Variants in SYT14 observed in about 807,000 individuals in gnomAD.
SYT14 encodes the protein synaptotagmin-14.
SYT14 carries 32 observed loss-of-function variants against 74.2 expected under a neutral mutation model. That is an observed-to-expected ratio of 0.43 (90% CI 0.33 to 0.58). The LOEUF is 0.58. Ranked by LOEUF, SYT14 falls within the 20% of genes least tolerant of loss-of-function variation. The pLI is 0.05. For missense variants in SYT14, 791 were observed against 981.8 expected (o/e 0.81, Z 2.60); for synonymous variants, 298 against 337.7 (o/e 0.88, Z 1.29).
intron 2 of SYT14, among the ~76,000 whole-genome samples, chr1:209,964,012 A>T (rs950657385): frequency 3.3e-5 from 5 of 152,090 alleles, no homozygotes; most frequent in Non-Finnish European, 7.4e-5. Flanking sequence ...GTTGTTATAC[A>T]CGCTTGGGTC....
exon 4 of SYT14, chr1:210,016,728 T>C (rs2080191381): frequency 4.9e-6 from 6 of 1,231,844 alleles, no homozygotes; most frequent in Non-Finnish European, 6.1e-6. Context: ...CAAGAGAATA[T>C]GGGGCATTTC....
chr1:210,016,588 A>C (rs1022909497), exon 4 of SYT14: 35 of 1,231,886 alleles, frequency 2.8e-5, no homozygotes, highest in Non-Finnish European at 3.4e-5. Context: ...TAGGATATCA[A>C]GAAATGAAAG....
At chr1:210,071,255 T>C (rs1050125233) in intron 5 of SYT14, among the ~76,000 whole-genome samples, 49 of 151,158 alleles carry the variant, frequency 3.2e-4, no homozygotes, top group Non-Finnish European at 6.3e-4. Flanking sequence ...ATTAAAGAGC[T>C]TTCCTTTAGT....
At chr1:210,047,505 C>T (rs1007425075) in intron 5 of SYT14, among the ~76,000 whole-genome samples, 15 of 152,120 alleles carry the variant, frequency 9.9e-5, no homozygotes, top group Non-Finnish European at 2.1e-4. Flanking sequence ...TCAAATGATT[C>T]TCCTGCCTCA....
chr1:210,086,707 C>T (rs184271521), intron 5 of SYT14, among the ~76,000 whole-genome samples: 71 of 152,260 alleles, frequency 4.7e-4, no homozygotes, highest in Non-Finnish European at 8.7e-4. Flanking sequence ...CAAATCTCCT[C>T]AGTGAGCAAA....
At chr1:210,149,254 G>A (rs1035224073) in intron 7 of SYT14, among the ~76,000 whole-genome samples, 3 of 146,240 alleles carry the variant, frequency 2.1e-5, no homozygotes, top group African/African-American at 7.6e-5. Context: ...GCATGATGTC[G>A]GCTCACTGCA....
At chr1:210,010,436 A>G (rs2080066321) in intron 2 of SYT14, among the ~76,000 whole-genome samples, 1 of 152,144 alleles carries the variant, frequency 6.6e-6, no homozygotes, top group South Asian at 2.1e-4. Context: ...TGCTTATAGA[A>G]TGCCATGTAT....
At chr1:209,993,005 C>T (rs964528732) in intron 2 of SYT14, among the ~76,000 whole-genome samples, 18 of 152,264 alleles carry the variant, frequency 1.2e-4, no homozygotes, top group Admixed American at 1.2e-3. Context: ...CCACTGACCC[C>T]TAGGATCCTA....
At chr1:210,140,784 C>G (rs1052806564) in intron 7 of SYT14, among the ~76,000 whole-genome samples, 3 of 151,744 alleles carry the variant, frequency 2.0e-5, no homozygotes, top group Non-Finnish European at 2.9e-5. Flanking sequence ...GTGTTGGCAC[C>G]CTTGTTGAAA....
At chr1:209,989,310 TGA>T (rs1473854590) in intron 2 of SYT14, among the ~76,000 whole-genome samples, 1 of 152,176 alleles carries the variant, frequency 6.6e-6, no homozygotes, top group African/African-American at 2.4e-5. Flanking sequence ...ACACAGGAAC[TGA>T]GAGTCCTGGA....
At chr1:209,986,117 C>T (rs978693932) in intron 2 of SYT14, among the ~76,000 whole-genome samples, 20 of 152,304 alleles carry the variant, frequency 1.3e-4, no homozygotes, top group African/African-American at 4.8e-4. Flanking sequence ...GCTCCGCAGC[C>T]TGCTTAAATT....
intron 7 of SYT14, among the ~76,000 whole-genome samples, chr1:210,116,503 T>C (rs1001574970): frequency 6.6e-6 from 1 of 152,154 alleles, no homozygotes; most frequent in African/African-American, 2.4e-5. Flanking sequence ...TGCGCCACCA[T>C]GTCCGGCTAA....
intron 2 of SYT14, among the ~76,000 whole-genome samples, chr1:209,960,310 T>C (rs1253493809): frequency 6.6e-6 from 1 of 152,202 alleles, no homozygotes; most frequent in Non-Finnish European, 1.5e-5. Flanking sequence ...GAAAAAAGTC[T>C]CTGTAGTGGT....
intron 2 of SYT14, among the ~76,000 whole-genome samples, chr1:209,985,329 A>G (rs1316104991): frequency 6.6e-6 from 1 of 152,244 alleles, no homozygotes; most frequent in East Asian, 1.9e-4. Flanking sequence ...TGTTAGTTCA[A>G]AACGCATCAG....
chr1:210,006,125 G>A (rs554924401), intron 2 of SYT14, among the ~76,000 whole-genome samples: 14 of 151,704 alleles, frequency 9.2e-5, no homozygotes, highest in African/African-American at 3.4e-4. Flanking sequence ...TTCTTCCATT[G>A]TCCCTTTAAG....
chr1:210,007,283 A>C (rs1302273041), intron 2 of SYT14, among the ~76,000 whole-genome samples: 1 of 151,962 alleles, frequency 6.6e-6, no homozygotes, highest in African/African-American at 2.4e-5. Flanking sequence ...TATTGTACCT[A>C]GTGCCCCTTC....
intron 1 of SYT14, among the ~76,000 whole-genome samples, chr1:209,951,211 G>T (rs1201110948): frequency 6.6e-6 from 1 of 152,160 alleles, no homozygotes; most frequent in Non-Finnish European, 1.5e-5. Context: ...CTGTGCAGCA[G>T]ATCTCTAAAA....
At position 209,994,128 on chromosome 1, in the gene SYT14, C is replaced by T. The variant is rs2079744815; in HGVS notation, c.-485-19505C>T. ...CCTCCAAATGAATCTACTAGTTCCC[C>T]AGCAATGGTTCTTAACCAGTTTGAA... is the stretch of plus-strand genomic sequence containing the variant. On this transcript the variant is annotated intron_variant, in intron 2 of 9. Transcript: ENST00000637265. 2.6e-5 allele frequency among the ~76,000 whole-genome samples: 4 copies of T among 152,100 alleles called. 1 individual carries two copies. In the South Asian group the frequency reaches 8.3e-4, roughly 32 times the overall value.
chr1:210,146,272 A>T (rs578114649), intron 7 of SYT14, among the ~76,000 whole-genome samples: 1 of 152,268 alleles, frequency 6.6e-6, no homozygotes, highest in African/African-American at 2.4e-5. Context: ...CAGGAGGCAG[A>T]AGTTGCAGTG....
Sources: gnomAD v4.1 joint callset for allele counts (sites outside exome capture counted in the v4.1 genomes callset) on GRCh38, gnomAD v4.1.1 for gene constraint, MANE v1.5 for transcripts, NCBI Gene and HGNC (gene_info 2026-07-23, HGNC 2026-07-21) for gene names.